TRIM23: variants seen among roughly 807,000 people sequenced by gnomAD.
The protein encoded by TRIM23 is tripartite motif containing 23, also known as E3 ubiquitin-protein ligase TRIM23.
Under a neutral mutation model 71.0 loss-of-function variants are expected in TRIM23, and 27 were observed. The ratio of observed to expected loss-of-function variants is 0.38; its 90% confidence interval spans 0.28 to 0.52. TRIM23 has a LOEUF of 0.52. Ranked by LOEUF, TRIM23 falls within the 20% of genes least tolerant of loss-of-function variation. The pLI is 0.84. For missense variants in TRIM23, 482 were observed against 692.3 expected, an observed-to-expected ratio of 0.70 and a Z score of 3.41; for synonymous variants, 234 against 238.0, an observed-to-expected ratio of 0.98 and a Z score of 0.16.
rs951757803 is a variant in TRIM23 at position 65,610,900 on chromosome 5, T to C, written c.789A>G (p.Gln263=). 1.9e-6 allele frequency: 3 copies of C among 1,612,294 alleles called. No individual in the cohort carries two copies. The change falls in exon 5 of 11, where the codon CAA becomes CAG. Residue 263 remains glutamine, a synonymous_variant. Transcript: ENST00000231524. ...CCATTCCAATTCCATCTTCCACGAT[T>C]TGTTCTCCTCCTTCAATGTGCTGCA... is the stretch of plus-strand genomic sequence containing the variant. The part of the protein sequence containing the change: ...GIVQHIEGGE[Q]IVEDGIGMAH...
At position 65,610,945 on chromosome 5, in the gene TRIM23, G is replaced by A. The variant is rs1754634148; in HGVS notation, c.744C>T (p.Ser248=). 6.2e-7 allele frequency: 1 copy of A among 1,613,698 alleles called. No individual in the cohort carries two copies. The highest frequency in any genetic ancestry group is 8.5e-7 in the Non-Finnish European group (1 of 1,179,860). Residue 248 remains serine, a synonymous_variant, in exon 5 of 11, where the codon TCC becomes TCT. Coordinates refer to ENST00000231524, the MANE Select transcript of TRIM23 (RefSeq NM_001656.4). ...GCTGCACAATTCCAACTAATTTTCT[G>A]GAATAATCTGAGATTTCCTCTGTGA... ...RTFTEEISDY[S]RKLVGIVQHI... is the part of the protein sequence containing the mutation.
At position 65,596,538 on chromosome 5, in the gene TRIM23, T is replaced by TAA. The variant is rs146970621; in HGVS notation, c.1310-9_1310-8dup. The TAA allele has an allele frequency of 2.5e-3, 3,867 of 1,536,514 alleles. 74 individuals are homozygous for TAA. The African/African-American group carries it at 0.048, about 19-fold the overall frequency. On this transcript the variant is annotated splice_polypyrimidine_tract_variant and splice_region_variant and intron_variant, in intron 8 of 10. Transcript: ENST00000231524. Reference sequence around the variant, plus strand: ...ACAGTTTCCACGTTAAAACCTGTTTTAAAAAAAAAGTTACTTTTATACTAT... The same window carrying TAA: ...ACAGTTTCCACGTTAAAACCTGTTTTAAAAAAAAAAAGTTACTTTTATACTAT...
At position 65,615,379 on chromosome 5, in the gene TRIM23, T is replaced by A. The variant is rs573861913; in HGVS notation, c.245-1160A>T. On this transcript the variant is annotated intron_variant, in intron 2 of 10. Transcript: ENST00000231524. ...AACCTATGAATAAAAGTCAGATCCTTTAGCAGAAGGAATATTTGTTATGGT... is the reference window on the plus strand; with the variant it reads ...AACCTATGAATAAAAGTCAGATCCTATAGCAGAAGGAATATTTGTTATGGT... Among the ~76,000 whole-genome samples the A allele has an allele frequency of 1.8e-4, 28 of 152,324 alleles. No homozygotes were observed. The South Asian group carries it at 5.6e-3, about 30-fold the overall frequency.
Position 65,592,032 on chromosome 5 carries a change from G to A in TRIM23, c.1546-84C>T, listed in dbSNP as rs773511270. On this transcript the variant is annotated intron_variant, in intron 10 of 10. Coordinates refer to ENST00000231524, the MANE Select transcript of TRIM23 (RefSeq NM_001656.4). Reference sequence around the variant, plus strand: ...ATCACCATTTATAGAGAAATTTGTTGACAGTGTTCTAACAGAAGCCTAAAC... The same window carrying A: ...ATCACCATTTATAGAGAAATTTGTTAACAGTGTTCTAACAGAAGCCTAAAC... The A allele has an allele frequency of 1.9e-5, 26 of 1,348,236 alleles. No individual in the cohort carries two copies. In the South Asian group the frequency reaches 3.8e-4, roughly 20 times the overall value. 83.5% of individuals were successfully genotyped at this position (1,348,236 alleles called of 1,614,324 possible).
chr5:65,597,264 TATTC>T, intron 7 of TRIM23, 84 bp from the exon 8 acceptor site: 1 of 1,346,620 alleles, frequency 7.4e-7, no homozygotes, highest in Non-Finnish European at 1.0e-6. Context: ...CTACATCTCC[TATTC>T]ATTCCTCAAC....
In TRIM23 at chr5:65,609,458, C is replaced by T. The variant is rs1754596963; in HGVS notation, c.829G>A (p.Val277Ile). The change falls in exon 6 of 11, where the codon GTA becomes ATA. Residue 277 changes from valine to isoleucine, a missense_variant and splice_region_variant. Physicochemically the swap from Val to Ile is conservative, Grantham distance 29. Transcript: ENST00000231524. ...DGIGMAHTEH[V>I]PGTAENARSC... is the part of the protein sequence containing the mutation. ...CGGGCATTCTCTGCAGTCCCTGGTA[C>T]CTAAGAAAATGAAAATAAATTTTAA... The T allele has an allele frequency of 6.2e-7, 1 of 1,609,532 alleles. No homozygotes were observed. The highest frequency in any genetic ancestry group is 8.5e-7 in the Non-Finnish European group (1 of 1,178,452).
At chr5:65,620,592 G>A (rs936695335) in intron 1 of TRIM23, among the ~76,000 whole-genome samples, 8 of 144,510 alleles carry the variant, frequency 5.5e-5, no homozygotes, top group African/African-American at 1.8e-4. Context: ...AATTTTTTTT[G>A]TATTGTTGTA....
chr5:65,603,349 C>T (rs777418456), intron 7 of TRIM23, among the ~76,000 whole-genome samples: 17 of 151,940 alleles, frequency 1.1e-4, no homozygotes, highest in Non-Finnish European at 2.2e-4. Context: ...CAATGAAGTA[C>T]CTTGCAGCTG....
Position 65,609,160 on chromosome 5 carries a change from T to C in TRIM23, c.1044+83A>G, listed in dbSNP as rs188086532. The C allele has an allele frequency of 5.7e-6, 8 of 1,395,538 alleles. No homozygotes were observed. The African/African-American group carries it at 1.0e-4, about 18-fold the overall frequency. 86.4% of individuals were successfully genotyped at this position (1,395,538 alleles called of 1,614,324 possible). ...ACTGCATACAGCAGACACAAAATAT[T>C]AATAAAACACACTAATGTATACCTC... On this transcript the variant is annotated intron_variant, in intron 6 of 10. Transcript: ENST00000231524.
At chr5:65,603,951 T>G (rs1754429673) in intron 7 of TRIM23, among the ~76,000 whole-genome samples, 1 of 130,254 alleles carries the variant, frequency 7.7e-6, no homozygotes, top group African/African-American at 3.1e-5. Flanking sequence ...GGTGTAATAA[T>G]GATATTTTGG....
intron 1 of TRIM23, among the ~76,000 whole-genome samples, chr5:65,618,910 TAC>T (rs1418432427): frequency 6.6e-6 from 1 of 152,208 alleles, no homozygotes; most frequent in African/African-American, 2.4e-5. Context: ...TGCACAAGGC[TAC>T]ACAGTCAGTC....
At position 65,614,223 on chromosome 5, in the gene TRIM23, G is replaced by T. The variant is rs1554125856; in HGVS notation, c.245-4C>A. On this transcript the variant is annotated splice_region_variant and splice_polypyrimidine_tract_variant and intron_variant, in intron 2 of 10. Coordinates refer to ENST00000231524, the MANE Select transcript of TRIM23 (RefSeq NM_001656.4). ...AATCCCCAGACACCTGAATCACCTA[G>T]AATAAATATAAAAACAAAAACTAAA... is the stretch of plus-strand genomic sequence containing the variant. The T allele has an allele frequency of 2.5e-6, 4 of 1,611,504 alleles. No homozygotes were observed. Among genetic ancestry groups the T allele is most frequent in the Non-Finnish European group, 3.4e-6 (4 of 1,178,420 alleles).
intron 3 of TRIM23, chr5:65,613,811 C>T (rs1382733028): frequency 7.6e-7 from 1 of 1,319,420 alleles, no homozygotes; most frequent in Non-Finnish European, 9.9e-7. Flanking sequence ...ATCTTTCTTA[C>T]TATTCCATAA....
At chr5:65,592,100 TA>T in intron 10 of TRIM23, 152 bp from the exon 11 acceptor site, 1 of 733,036 alleles carries the variant, frequency 1.4e-6, no homozygotes, top group Middle Eastern at 4.1e-4. Flanking sequence ...CTGAGATTAA[TA>T]AGAATAGAAA....
At chr5:65,611,917 C>G (rs762599494) in intron 3 of TRIM23, 36 bp from the exon 4 acceptor site, 1 of 1,590,498 alleles carries the variant, frequency 6.3e-7, no homozygotes, top group Non-Finnish European at 8.6e-7. Context: ...AAAATTGAAC[C>G]CAATCAGTAT....
chr5:65,600,708 T>C (rs1217910186), intron 7 of TRIM23, among the ~76,000 whole-genome samples: 1 of 147,662 alleles, frequency 6.8e-6, no homozygotes, highest in Non-Finnish European at 1.5e-5. Context: ...GAGTGAAAAA[T>C]TGACCTATGA....
At chr5:65,613,771 T>C (rs534950996) in intron 3 of TRIM23, 254 of 1,243,934 alleles carry the variant, frequency 2.0e-4, no homozygotes, top group Non-Finnish European at 2.5e-4. Context: ...TTGACTACTT[T>C]TGCATCCTCT....
chr5:65,619,839 T>C (rs1286169837), intron 1 of TRIM23, among the ~76,000 whole-genome samples: 1 of 152,166 alleles, frequency 6.6e-6, no homozygotes, highest in Non-Finnish European at 1.5e-5. Context: ...CCCAACACTT[T>C]GGGAGGCCGA....
At chr5:65,606,384 T>C (rs1000404994) in intron 6 of TRIM23, among the ~76,000 whole-genome samples, 49 of 150,466 alleles carry the variant, frequency 3.3e-4, no homozygotes, top group African/African-American at 1.2e-3. Context: ...AGGCAGAAGG[T>C]ATAGTGAGAC....
Sources: gnomAD v4.1 joint callset for allele counts (sites outside exome capture counted in the v4.1 genomes callset) on GRCh38, gnomAD v4.1.1 for gene constraint, MANE v1.5 for transcripts, NCBI Gene and HGNC (gene_info 2026-07-23, HGNC 2026-07-21) for gene names.